SYNRG: variants seen among roughly 807,000 people sequenced by gnomAD.
SYNRG encodes the protein synergin gamma.
In SYNRG, 37 loss-of-function variants were observed where a neutral mutation model predicts 130.9. The ratio of observed to expected loss-of-function variants is 0.28; its 90% CI spans 0.22 to 0.37. The LOEUF is 0.37. Ranked by LOEUF, SYNRG falls within the 10% of genes least tolerant of loss-of-function variation. SYNRG has a pLI of 1.00. For synonymous variants in SYNRG, 539 were observed against 568.1 expected (o/e 0.95, Z 0.73); for missense variants, 1,338 against 1,588.9 (o/e 0.84, Z 2.68).
intron 3 of SYNRG, among the ~76,000 whole-genome samples, chr17:37,593,562 TAAAATCTG>T (rs2062401366): frequency 6.6e-6 from 1 of 151,988 alleles, no homozygotes; most frequent in Non-Finnish European, 1.5e-5. Flanking sequence ...TGGGGGGAAA[TAAAATCTG>T]GATGTTTTTC....
intron 6 of SYNRG, among the ~76,000 whole-genome samples, chr17:37,580,248 T>A (rs1000576454): frequency 6.6e-6 from 1 of 151,860 alleles, no homozygotes; most frequent in Non-Finnish European, 1.5e-5. Flanking sequence ...CTTGCATAGA[T>A]CATATTTCAG....
chr17:37,597,603 AAC>A (rs1415780082), intron 2 of SYNRG, among the ~76,000 whole-genome samples: 4 of 152,262 alleles, frequency 2.6e-5, no homozygotes, highest in African/African-American at 9.6e-5. Flanking sequence ...TAGGTAATAT[AAC>A]AGTTACCACA....
intron 1 of SYNRG, among the ~76,000 whole-genome samples, chr17:37,608,091 G>A (rs1459894028): frequency 2.0e-5 from 3 of 151,464 alleles, no homozygotes; most frequent in East Asian, 1.9e-4. Flanking sequence ...ACCCTCTAAT[G>A]AAACAACGGA....
chr17:37,556,034 C>T (rs900219338), intron 13 of SYNRG, among the ~76,000 whole-genome samples: 1 of 151,984 alleles, frequency 6.6e-6, no homozygotes, highest in South Asian at 2.1e-4. Flanking sequence ...ATTTCCTCAC[C>T]CATTTTTAAA....
chr17:37,519,091 A>C lies in SYNRG; in HGVS notation c.3814-20T>G. ...GAATGCCTGCCAGAAATAAACAGAG[A>C]TGTGGGGCAAGTCAGGCTTTTTCTG... On this transcript the variant is annotated intron_variant, in intron 21 of 21. Coordinates refer to ENST00000612223, the MANE Select transcript of SYNRG (RefSeq NM_007247.6). The C allele has an allele frequency of 6.2e-7, 1 of 1,609,436 alleles. No individual in the cohort carries two copies. Among genetic ancestry groups the C allele is most frequent in the Non-Finnish European group, 8.5e-7 (1 of 1,176,294 alleles).
intron 14 of SYNRG, among the ~76,000 whole-genome samples, chr17:37,548,526 T>C (rs1319298602): frequency 6.6e-6 from 1 of 151,990 alleles, no homozygotes; most frequent in Non-Finnish European, 1.5e-5. Context: ...AAAATCCTCA[T>C]CTTCTTCTAG....
intron 13 of SYNRG, among the ~76,000 whole-genome samples, chr17:37,560,301 C>T (rs1431775927): frequency 6.6e-6 from 1 of 151,680 alleles, no homozygotes; most frequent in Non-Finnish European, 1.5e-5. Context: ...TAATCTTATC[C>T]CCCTTCTACT....
chr17:37,555,068 T>C (rs143096472), intron 13 of SYNRG, among the ~76,000 whole-genome samples: 23 of 152,318 alleles, frequency 1.5e-4, no homozygotes, highest in African/African-American at 5.5e-4. Context: ...TGGGTACTTA[T>C]GTACTTCTCA....
At chr17:37,559,156 A>G (rs2059335110) in intron 13 of SYNRG, among the ~76,000 whole-genome samples, 1 of 152,202 alleles carries the variant, frequency 6.6e-6, no homozygotes, top group Non-Finnish European at 1.5e-5. Context: ...CAAATCTTAT[A>G]TAATGCCTTT....
At chr17:37,548,672 G>C (rs1256219564) in intron 14 of SYNRG, among the ~76,000 whole-genome samples, 4 of 151,840 alleles carry the variant, frequency 2.6e-5, no homozygotes, top group Admixed American at 2.0e-4. Flanking sequence ...ACAAAAATTA[G>C]CTGGGCGTGG....
chr17:37,590,095 C>T (rs1598568699), intron 3 of SYNRG, among the ~76,000 whole-genome samples: 1 of 150,126 alleles, frequency 6.7e-6, no homozygotes, highest in East Asian at 2.0e-4. Flanking sequence ...TACTTGAGCC[C>T]GGGAGGCGGC....
intron 19 of SYNRG, among the ~76,000 whole-genome samples, chr17:37,527,663 G>T (rs576212040): frequency 7.2e-5 from 11 of 152,264 alleles, no homozygotes; most frequent in African/African-American, 2.4e-4. Context: ...CATTTACATT[G>T]TATTAGGTGT....
At chr17:37,582,996 GT>G (rs999006626) in intron 6 of SYNRG, among the ~76,000 whole-genome samples, 140 of 145,188 alleles carry the variant, frequency 9.6e-4, no homozygotes, top group African/African-American at 2.5e-3. Context: ...TAGGTTTTTG[GT>G]TTTTTTTTTT....
rs1356454653 is a variant in SYNRG at position 37,576,414 on chromosome 17, C to T, written c.828G>A (p.Val276=). Residue 276 remains valine, a synonymous_variant, in exon 8 of 22, where the codon GTG becomes GTA. Transcript: ENST00000612223. ...CAGGATCCTGTGAGGGAAATACTCC[C>T]ACACCTAGAAGGTAAGAAACATTAA... The part of the protein sequence containing the change: ...DQNLSIEESG[V]GVFPSQDPAQ... The T allele has an allele frequency of 6.2e-7, 1 of 1,613,574 alleles. No homozygotes were observed. Among genetic ancestry groups the T allele is most frequent in the South Asian group, 1.1e-5 (1 of 91,036 alleles).
At chr17:37,605,308 A>T (rs903138606) in intron 1 of SYNRG, among the ~76,000 whole-genome samples, 1 of 152,218 alleles carries the variant, frequency 6.6e-6, no homozygotes, top group Non-Finnish European at 1.5e-5. Context: ...TAAACATTTA[A>T]ATTAGTCATA....
Position 37,553,437 on chromosome 17 carries a change from G to T in SYNRG, c.2286C>A (p.Asp762Glu). The T allele has an allele frequency of 1.2e-6, 2 of 1,614,178 alleles. No individual in the cohort carries two copies. The highest frequency in any genetic ancestry group is 8.5e-7 in the Non-Finnish European group (1 of 1,180,024). Reference sequence around the variant, plus strand: ...TTCCTGAAGGAGTGTTATCTTTCAGGTCTTCAACACCTAGTCCAGACCCTT... The same window carrying T: ...TTCCTGAAGGAGTGTTATCTTTCAGTTCTTCAACACCTAGTCCAGACCCTT... Reference protein sequence around the residue: ...SLEGSGLGVEDLKDNTPSGKS... With the variant: ...SLEGSGLGVEELKDNTPSGKS... Residue 762 changes from aspartate (D) to glutamate (E), a missense_variant, in exon 14 of 22, where the codon GAC becomes GAA. Physicochemically the swap from Asp to Glu is conservative, Grantham distance 45. Around this residue, in one of 3 missense-constraint regions of SYNRG, gnomAD observed 1,146 missense variants for 1,342.3 expected, o/e 0.85. Coordinates refer to ENST00000612223, the MANE Select transcript of SYNRG (RefSeq NM_007247.6).
intron 14 of SYNRG, among the ~76,000 whole-genome samples, chr17:37,544,973 A>G (rs766718799): frequency 5.3e-5 from 8 of 151,990 alleles, no homozygotes; most frequent in African/African-American, 1.9e-4. Context: ...TAATCCCAGC[A>G]CTTTGGGAGG....
chr17:37,605,212 C>T (rs1257459117), intron 1 of SYNRG, among the ~76,000 whole-genome samples: 1 of 152,192 alleles, frequency 6.6e-6, no homozygotes, highest in East Asian at 1.9e-4. Context: ...TTTTTAAAGA[C>T]ATTACTCATA....
intron 19 of SYNRG, among the ~76,000 whole-genome samples, chr17:37,530,014 T>C (rs1301655225): frequency 2.0e-5 from 3 of 152,194 alleles, no homozygotes; most frequent in Non-Finnish European, 4.4e-5. Flanking sequence ...TATATATATG[T>C]ACAAGAGCAA....
Sources: allele counts gnomAD v4.1 joint callset (sites outside exome capture counted in the v4.1 genomes callset), GRCh38; gene constraint gnomAD v4.1.1; regional missense constraint gnomAD v4.1.1; transcripts MANE v1.5; gene names NCBI Gene and HGNC (gene_info 2026-07-23, HGNC 2026-07-21).